The following NTS variants were observed in gnomAD, a reference collection of about 807,000 sequenced individuals.
NTS encodes neurotensin/neuromedin N.
Under a neutral mutation model 19.5 loss-of-function variants are expected in NTS, and 20 were observed. The observed-to-expected ratio is 1.02, with a 90% CI of 0.72 to 1.49. The LOEUF is 1.49. Ranked by LOEUF, NTS falls within the 40% of genes most tolerant of loss-of-function variation. NTS has a pLI of 0.00. For missense variants in NTS, 215 were observed against 193.1 expected (o/e 1.11, Z -0.67); for synonymous variants, 71 against 63.3 (o/e 1.12, Z -0.58).
intron 3 of NTS, among the ~76,000 whole-genome samples, chr12:85,880,552 T>G (rs571320981): frequency 1.1e-3 from 169 of 152,284 alleles, no homozygotes; most frequent in Admixed American, 1.6e-3. Context: ...TAGTGTTTAT[T>G]ATAACTGGTA....
In NTS at chr12:85,882,281, T is replaced by C; in HGVS notation, c.419T>C (p.Ile140Thr). Residue 140 changes from isoleucine to threonine, a missense_variant, in exon 4 of 4, where the codon ATA (isoleucine) becomes ACA (threonine). Physicochemically the swap from Ile to Thr is moderately conservative, Grantham distance 89 (BLOSUM62 -1). Transcript: ENST00000256010. ...GNDKNGKEEV[I>T]KRKIPYILKR... is the part of the protein sequence containing the mutation. ...GACAAAAATGGAAAGGAAGAAGTCA[T>C]AAAGAGAAAAATTCCTTATATTCTG... 6.2e-7 allele frequency: 1 copy of C among 1,608,994 alleles called. No homozygotes were observed. Among genetic ancestry groups the C allele is most frequent in the Non-Finnish European group, 8.5e-7 (1 of 1,177,598 alleles).
Position 85,882,368 on chromosome 12 carries a change from A to G in NTS, c.506A>G (p.Tyr169Cys). 2 of 1,557,260 alleles carry G rather than the reference A, an allele frequency of 1.3e-6. No individual in the cohort carries two copies. Among genetic ancestry groups the G allele is most frequent in the Non-Finnish European group, 1.7e-6 (2 of 1,158,336 alleles). Residue 169 changes from tyrosine to cysteine, a missense_variant, in exon 4 of 4, where the codon TAT becomes TGT. Coordinates refer to ENST00000256010, the MANE Select transcript of NTS (RefSeq NM_006183.5). Reference sequence around the variant, plus strand: ...TACATACTCAAAAGAGATTCTTACTATTACTGAGAGAATAAATCATTTATT... The same window carrying G: ...TACATACTCAAAAGAGATTCTTACTGTTACTGAGAGAATAAATCATTTATT... The part of the protein sequence containing the change: ...RPYILKRDSY[Y>C]Y
At chr12:85,878,214 T>G in intron 2 of NTS, 131 bp from the exon 3 acceptor site, 1 of 640,664 alleles carries the variant, frequency 1.6e-6, no homozygotes, top group East Asian at 2.6e-5. Context: ...TGTTACTAAA[T>G]AAATAACACT....
In NTS at chr12:85,882,382, A is replaced by G. The variant is rs747770956; in HGVS notation, c.*7A>G. The stretch of plus-strand genomic sequence containing the variant: ...AGATTCTTACTATTACTGAGAGAAT[A>G]AATCATTTATTTACATGTGATTGTG... On this transcript the variant is annotated 3_prime_UTR_variant, in exon 4 of 4. Transcript: ENST00000256010. The G allele has an allele frequency of 3.9e-6, 6 of 1,533,874 alleles. No individual in the cohort carries two copies. The Admixed American group carries it at 9.5e-5, about 24-fold the overall frequency.
At chr12:85,881,717 C>A (rs991675800) in intron 3 of NTS, among the ~76,000 whole-genome samples, 8 of 152,020 alleles carry the variant, frequency 5.3e-5, no homozygotes, top group African/African-American at 1.7e-4. Context: ...AGAATTAGAT[C>A]CTTGGAATGG....
At chr12:85,874,570 A>C (rs1364189346) in intron 1 of NTS, 94 bp downstream of exon 1, 1 of 790,184 alleles carries the variant, frequency 1.3e-6, no homozygotes, top group African/African-American at 1.7e-5. Flanking sequence ...TGGGGAGAAG[A>C]GTTGCTCCCT....
chr12:85,874,574 G>T (rs1452924580), intron 1 of NTS, 98 bp downstream of exon 1: 7 of 760,200 alleles, frequency 9.2e-6, no homozygotes, highest in African/African-American at 5.2e-5. Context: ...GAGAAGAGTT[G>T]CTCCCTTTTA....
rs533636101 is a variant in NTS at position 85,878,325 on chromosome 12, GT to G, written c.136-13del. On this transcript the variant is annotated intron_variant, in intron 2 of 3. Transcript: ENST00000256010. ...TGTAACACAAGTTTTAATTGCAGGGGTTTTTTTAATATATTTCAGATTAGTA... is the reference window on the plus strand; with the variant it reads ...TGTAACACAAGTTTTAATTGCAGGGGTTTTTTAATATATTTCAGATTAGTA... The G allele has an allele frequency of 9.2e-6, 14 of 1,527,594 alleles. No individual in the cohort carries two copies. The African/African-American group carries it at 9.7e-5, about 11-fold the overall frequency. 94.6% of individuals were successfully genotyped at this position (1,527,594 alleles called of 1,614,324 possible). A position where few individuals can be genotyped will look rare whatever the true frequency, so the allele number is the denominator to read the frequency against.
chr12:85,879,104 T>TA (rs1215865008), intron 3 of NTS, among the ~76,000 whole-genome samples: 29 of 141,142 alleles, frequency 2.1e-4, no homozygotes, highest in African/African-American at 5.5e-4. Context: ...ATGTATATTT[T>TA]ATGTACGTAA....
chr12:85,878,815 A>G (rs1217947029), intron 3 of NTS, among the ~76,000 whole-genome samples: 1 of 152,038 alleles, frequency 6.6e-6, no homozygotes, highest in African/African-American at 2.4e-5. Context: ...GATTTGATCC[A>G]CATGTTTTTA....
At chr12:85,878,226 T>C in intron 2 of NTS, 119 bp from the exon 3 acceptor site, 1 of 687,236 alleles carries the variant, frequency 1.5e-6, no homozygotes, top group Non-Finnish European at 2.5e-6. Flanking sequence ...AATAACACTA[T>C]ATTTATTAGA....
intron 3 of NTS, among the ~76,000 whole-genome samples, chr12:85,880,097 A>C (rs1881468491): frequency 6.6e-6 from 1 of 150,944 alleles, no homozygotes; most frequent in African/African-American, 2.4e-5. Flanking sequence ...ATTTATATAA[A>C]GGTATATATA....
chr12:85,880,724 G>C (rs1881483608), intron 3 of NTS, among the ~76,000 whole-genome samples: 1 of 152,078 alleles, frequency 6.6e-6, no homozygotes, highest in Non-Finnish European at 1.5e-5. Context: ...AGGCCGAGAC[G>C]GGCGGATCAC....
intron 3 of NTS, among the ~76,000 whole-genome samples, chr12:85,880,220 A>G (rs952488030): frequency 1.3e-5 from 2 of 152,110 alleles, no homozygotes; most frequent in Non-Finnish European, 2.9e-5. Flanking sequence ...AAAATGCTTT[A>G]CAATTTATTG....
intron 1 of NTS, among the ~76,000 whole-genome samples, chr12:85,875,574 C>A (rs781335297): frequency 2.0e-5 from 3 of 151,932 alleles, no homozygotes; most frequent in African/African-American, 7.2e-5. Context: ...TGAGAAAAAA[C>A]AAACTTTTCT....
chr12:85,875,932 T>G (rs1163991455), intron 1 of NTS, among the ~76,000 whole-genome samples: 2 of 152,020 alleles, frequency 1.3e-5, no homozygotes, highest in Non-Finnish European at 2.9e-5. Context: ...AAATTTTCCT[T>G]CTCTGTAAAA....
At chr12:85,880,810 G>C (rs555040580) in intron 3 of NTS, among the ~76,000 whole-genome samples, 2 of 152,174 alleles carry the variant, frequency 1.3e-5, no homozygotes, top group East Asian at 3.9e-4. Flanking sequence ...AAATTAGCCG[G>C]GCGTAGTGGC....
At chr12:85,879,027 AAAATATATTTTTATGT>A in intron 3 of NTS, among the ~76,000 whole-genome samples, 1 of 139,938 alleles carries the variant, frequency 7.1e-6, no homozygotes, top group African/African-American at 2.5e-5. Flanking sequence ...TAGGCAAATA[AAAATATATTTTTATGT>A]ACATAAAATA....
chr12:85,875,217 G>A (rs56298026), intron 1 of NTS, among the ~76,000 whole-genome samples: 11,608 of 152,058 alleles, frequency 0.076, 599 homozygotes, highest in Middle Eastern at 0.21. Flanking sequence ...ATAGTCCTAA[G>A]TATCTACGAA....
Sources: gnomAD v4.1 joint callset for allele counts (sites outside exome capture counted in the v4.1 genomes callset) on GRCh38, gnomAD v4.1.1 for gene constraint, MANE v1.5 for transcripts, NCBI Gene and HGNC (gene_info 2026-07-23, HGNC 2026-07-21) for gene names.